ERBB4: variants seen among roughly 807,000 people sequenced by gnomAD.
The protein encoded by ERBB4 is receptor tyrosine-protein kinase erbB-4.
ERBB4 carries 42 observed loss-of-function variants against 158.0 expected under a neutral mutation model. The ratio of observed to expected loss-of-function variants is 0.27; its 90% CI spans 0.21 to 0.34. ERBB4 has a LOEUF of 0.34. ERBB4 is among the 10% of genes least tolerant of loss of function. The probability of loss-of-function intolerance (pLI) is 1.00; values close to 1 mark genes in which losing one functional copy is unlikely to be tolerated. For missense variants in ERBB4, 1,333 were observed against 1,624.1 expected (o/e 0.82, Z 3.08); for synonymous variants, 583 against 558.7 (o/e 1.04, Z -0.61).
rs377063944 is a variant in ERBB4, at chr2:212,074,328, A to G, written c.234+50424T>C. Among the ~76,000 whole-genome samples, 386 of 152,148 alleles carry G rather than the reference A, an allele frequency of 2.5e-3. 1 individual carries two copies. The highest frequency in any genetic ancestry group is 8.9e-3 in the African/African-American group (371 of 41,556). On this transcript the variant is annotated intron_variant, in intron 2 of 27. Transcript: ENST00000342788. ...TAAGTTATTCCTTTCAGGAATCACT[A>G]AACATAAAATAAAGATGCACGTATG...
intron 20 of ERBB4, among the ~76,000 whole-genome samples, chr2:211,481,355 TC>T (rs999427997): frequency 1.7e-4 from 26 of 152,182 alleles, no homozygotes; most frequent in African/African-American, 6.3e-4. Context: ...ATAGAGACTT[TC>T]ATATATTCTT....
chr2:211,525,334 C>G (rs1245876826), intron 20 of ERBB4, among the ~76,000 whole-genome samples: 1 of 152,156 alleles, frequency 6.6e-6, no homozygotes. Flanking sequence ...TTCTGTCTTT[C>G]ATCTTGGATA....
intron 20 of ERBB4, among the ~76,000 whole-genome samples, chr2:211,523,206 G>A (rs766290704): frequency 3.7e-5 from 5 of 134,574 alleles, no homozygotes; most frequent in African/African-American, 1.1e-4. Flanking sequence ...TCAGGTGAGC[G>A]CTCACAGTAT....
At chr2:212,379,955 C>T (rs780589768) in intron 1 of ERBB4, among the ~76,000 whole-genome samples, 54 of 151,396 alleles carry the variant, frequency 3.6e-4, no homozygotes, top group South Asian at 6.2e-4. Flanking sequence ...AAAGTCACAC[C>T]TACCAGGCAC....
chr2:212,287,101 GC>G (rs34007979), intron 1 of ERBB4, among the ~76,000 whole-genome samples: 1 of 151,838 alleles, frequency 6.6e-6, no homozygotes, highest in East Asian at 1.9e-4. Context: ...TCAGCATGTA[GC>G]CCCCTCCAGA....
chr2:211,998,114 C>T (rs755871933), intron 2 of ERBB4, among the ~76,000 whole-genome samples: 3 of 151,878 alleles, frequency 2.0e-5, no homozygotes, highest in Non-Finnish European at 4.4e-5. Context: ...AGCATACCAA[C>T]ATGGCACATG....
chr2:211,968,319 A>G (rs1326521199), intron 2 of ERBB4, among the ~76,000 whole-genome samples: 1 of 152,020 alleles, frequency 6.6e-6, no homozygotes, highest in African/African-American at 2.4e-5. Flanking sequence ...CTTGTTCTGG[A>G]TAGTGAAGCA....
chr2:211,750,099 A>G (rs1220968809), intron 5 of ERBB4, among the ~76,000 whole-genome samples: 1 of 152,178 alleles, frequency 6.6e-6, no homozygotes, highest in Non-Finnish European at 1.5e-5. Context: ...TTCTTTAGCT[A>G]ATGACTAATC....
intron 1 of ERBB4, among the ~76,000 whole-genome samples, chr2:212,378,477 T>C (rs1202950700): frequency 2.6e-5 from 4 of 151,996 alleles, no homozygotes; most frequent in South Asian, 4.1e-4. Flanking sequence ...ATGTATGATA[T>C]AGTCTTCCAT....
chr2:212,168,127 G>T (rs2081406383), intron 1 of ERBB4, among the ~76,000 whole-genome samples: 1 of 151,160 alleles, frequency 6.6e-6, no homozygotes, highest in Non-Finnish European at 1.5e-5. Flanking sequence ...GGAAAAACTG[G>T]TGAAAATCAA....
rs10714742 is a variant in ERBB4 at position 212,437,492 on chromosome 2, C to CAA, written c.82+100955_82+100956dup. ...TGCTACTTATATTCATGTTCTGATACAAAAAAAAAAAAAAAGGAAGATTGG... is the reference window on the plus strand; with the variant it reads ...TGCTACTTATATTCATGTTCTGATACAAAAAAAAAAAAAAAAAGGAAGATTGG... On this transcript the variant is annotated intron_variant, in intron 1 of 27. Transcript: ENST00000342788. 5.5e-5 allele frequency among the ~76,000 whole-genome samples: 7 copies of CAA among 127,624 alleles called. No individual in the cohort carries two copies. The South Asian group carries it at 1.2e-3, about 23-fold the overall frequency. 83.7% of individuals were successfully genotyped at this position (127,624 alleles called of 152,430 possible).
intron 4 of ERBB4, among the ~76,000 whole-genome samples, chr2:211,762,878 C>T (rs1038563828): frequency 2.6e-5 from 4 of 152,216 alleles, no homozygotes; most frequent in Admixed American, 6.5e-5. Context: ...TCATCACAAA[C>T]CTTTTGTCCT....
At chr2:212,394,424 G>A (rs1014307798) in intron 1 of ERBB4, among the ~76,000 whole-genome samples, 9 of 151,938 alleles carry the variant, frequency 5.9e-5, no homozygotes, top group African/African-American at 2.2e-4. Context: ...TTGTCAACAT[G>A]AAAATTCAAG....
chr2:212,524,223 AT>A (rs2106323758), intron 1 of ERBB4, among the ~76,000 whole-genome samples: 1 of 152,124 alleles, frequency 6.6e-6, no homozygotes, highest in African/African-American at 2.4e-5. Flanking sequence ...GACGTTCATA[AT>A]TTCTACCATA....
intron 20 of ERBB4, among the ~76,000 whole-genome samples, chr2:211,495,262 T>G (rs1259658602): frequency 1.3e-5 from 2 of 152,058 alleles, no homozygotes; most frequent in Non-Finnish European, 2.9e-5. Context: ...TTAGATTAAG[T>G]GTTTAAGCCA....
chr2:212,496,646 C>A (rs1690590397), intron 1 of ERBB4, among the ~76,000 whole-genome samples: 1 of 152,100 alleles, frequency 6.6e-6, no homozygotes, highest in African/African-American at 2.4e-5. Flanking sequence ...TTTGAAGATA[C>A]TGGTAAATAA....
rs148992312 is a variant in ERBB4 at position 212,165,311 on chromosome 2, A to AATAT, written c.83-40412_83-40409dup. ...TGTCATTTTTTAAATTTTTTGCATT[A>AATAT]ATATATATATATATTTACTGAGATT... On this transcript the variant is annotated intron_variant, in intron 1 of 27. Coordinates refer to ENST00000342788, the MANE Select transcript of ERBB4 (RefSeq NM_005235.3). 3.4e-3 allele frequency among the ~76,000 whole-genome samples: 514 copies of AATAT among 150,906 alleles called. 3 individuals carry two copies. The highest frequency in any genetic ancestry group is 0.012 in the African/African-American group (480 of 41,194).
At chr2:211,809,276 C>T (rs908188921) in intron 3 of ERBB4, among the ~76,000 whole-genome samples, 1 of 152,190 alleles carries the variant, frequency 6.6e-6, no homozygotes, top group Non-Finnish European at 1.5e-5. Flanking sequence ...ACCAGCTCCT[C>T]TTTGTACCTC....
At chr2:211,867,079 G>A (rs1316405424) in intron 3 of ERBB4, among the ~76,000 whole-genome samples, 1 of 143,828 alleles carries the variant, frequency 7.0e-6, no homozygotes, top group Non-Finnish European at 1.5e-5. Flanking sequence ...AACTTTCAGT[G>A]TGATATGAGG....
Sources: allele counts gnomAD v4.1 joint callset (sites outside exome capture counted in the v4.1 genomes callset), GRCh38; gene constraint gnomAD v4.1.1; transcripts MANE v1.5; gene names NCBI Gene and HGNC (gene_info 2026-07-23, HGNC 2026-07-21).